The following DENND1B variants were observed in gnomAD, a reference collection of about 807,000 sequenced individuals.
The protein encoded by DENND1B is DENN domain-containing protein 1B.
DENND1B carries 59 observed loss-of-function variants against 90.1 expected under a neutral mutation model. The observed-to-expected ratio is 0.65, with a 90% confidence interval of 0.53 to 0.81. DENND1B has a LOEUF of 0.81. Among genes scored for constraint, DENND1B ranks in the 40% least tolerant of loss-of-function variants. DENND1B has a pLI of 0.00. For missense variants in DENND1B, 862 were observed against 912.6 expected, an observed-to-expected ratio of 0.94 and a Z score of 0.71; for synonymous variants, 337 against 324.6, an observed-to-expected ratio of 1.04 and a Z score of -0.41.
At chr1:197,650,069 A>AT (rs1558355214) in intron 7 of DENND1B, among the ~76,000 whole-genome samples, 1 of 152,184 alleles carries the variant, frequency 6.6e-6, no homozygotes, top group African/African-American at 2.4e-5. Flanking sequence ...TCTCAAAAGA[A>AT]TATATTCAAA....
chr1:197,664,392 T>C (rs1654731567), intron 5 of DENND1B, among the ~76,000 whole-genome samples: 1 of 152,074 alleles, frequency 6.6e-6, no homozygotes, highest in African/African-American at 2.4e-5. Context: ...ATGTAAAACA[T>C]TATGAGCAAT....
Position 197,553,022 on chromosome 1 carries a change from C to T in DENND1B, c.1240G>A (p.Gly414Arg), listed in dbSNP as rs1362573315. Residue 414 changes from glycine (G) to arginine (R), a missense_variant and splice_region_variant, in exon 16 of 23, where the codon GGG becomes AGG. By Grantham distance (125) the Gly-to-Arg change is moderately radical. Coordinates refer to ENST00000620048, the MANE Select transcript of DENND1B (RefSeq NM_001195215.2). ...TAATCATATTGTAACTTGTCTTTACCTCCACAAAAGCCACCTGAAGTGATC... is the reference window on the plus strand; with the variant it reads ...TAATCATATTGTAACTTGTCTTTACTTCCACAAAAGCCACCTGAAGTGATC... ...EEITSGGFCG[G>R]NPRSYQQWVH... 6.4e-7 allele frequency: 1 copy of T among 1,571,544 alleles called. No individual in the cohort carries two copies. Among genetic ancestry groups the T allele is most frequent in the Non-Finnish European group, 8.6e-7 (1 of 1,165,864 alleles).
At position 197,553,071 on chromosome 1, in the gene DENND1B, A is replaced by G. The variant is rs1571851588; in HGVS notation, c.1191T>C (p.Gly397=). ...GRLAKLNAGR[G]FSDVFEEEIT... ...TCTCTTCTTCAAATACATCAGAGAA[A>G]CCCCTTCCTGCATTTAGTTTTGCCA... The change falls in exon 16 of 23, where the codon GGT becomes GGC. Residue 397 remains glycine (G), a synonymous_variant. Transcript: ENST00000620048. 1 of 1,554,628 alleles carries G rather than the reference A, an allele frequency of 6.4e-7. No individual in the cohort carries two copies. Among genetic ancestry groups the G allele is most frequent in the Admixed American group, 2.1e-5 (1 of 46,666 alleles).
intron 10 of DENND1B, among the ~76,000 whole-genome samples, chr1:197,633,633 T>G (rs1423418831): frequency 6.6e-6 from 1 of 152,126 alleles, no homozygotes; most frequent in East Asian, 1.9e-4. Flanking sequence ...GTTTCTGCAG[T>G]GCCTGGCTCC....
At chr1:197,586,329 A>T (rs1674692495) in intron 14 of DENND1B, among the ~76,000 whole-genome samples, 1 of 152,228 alleles carries the variant, frequency 6.6e-6, no homozygotes, top group Non-Finnish European at 1.5e-5. Flanking sequence ...GCAATTTTTC[A>T]CAAAAATGTT....
intron 13 of DENND1B, among the ~76,000 whole-genome samples, chr1:197,596,193 T>G (rs1004283259): frequency 3.3e-5 from 5 of 152,100 alleles, no homozygotes; most frequent in Non-Finnish European, 5.9e-5. Context: ...TTAAGTTTGT[T>G]TTAATTTTTC....
intron 3 of DENND1B, among the ~76,000 whole-genome samples, chr1:197,680,282 A>G (rs1444612261): frequency 6.6e-6 from 1 of 152,176 alleles, no homozygotes; most frequent in African/African-American, 2.4e-5. Context: ...CAGACTAAAT[A>G]TATCTCCGCT....
chr1:197,512,824 G>C (rs755344842), intron 21 of DENND1B, 47 bp downstream of exon 21: 1 of 1,557,786 alleles, frequency 6.4e-7, no homozygotes, highest in African/African-American at 1.4e-5. Flanking sequence ...AAAAACTTCT[G>C]CTGTTAAGCC....
At chr1:197,656,979 A>G (rs1653897909) in intron 6 of DENND1B, among the ~76,000 whole-genome samples, 2 of 152,156 alleles carry the variant, frequency 1.3e-5, no homozygotes, top group Non-Finnish European at 2.9e-5. Context: ...AAACATATGA[A>G]GAAAGCTTTG....
chr1:197,741,556 AAAGT>A (rs1663214351), intron 2 of DENND1B, among the ~76,000 whole-genome samples: 1 of 152,218 alleles, frequency 6.6e-6, no homozygotes, highest in Non-Finnish European at 1.5e-5. Context: ...TTGACAATTT[AAAGT>A]AATTATAAAG....
intron 9 of DENND1B, among the ~76,000 whole-genome samples, chr1:197,644,589 A>G (rs1412288957): frequency 6.6e-6 from 1 of 151,926 alleles, no homozygotes; most frequent in Non-Finnish European, 1.5e-5. Flanking sequence ...CCTGGCCTAC[A>G]GTGTACAGCA....
rs139632166 is a variant in DENND1B, at chr1:197,585,835, G to A, written c.1048-2582C>T. 5.1e-4 allele frequency among the ~76,000 whole-genome samples: 77 copies of A among 152,196 alleles called. No individual in the cohort carries two copies. The East Asian group carries it at 0.01, about 21-fold the overall frequency. Reference sequence around the variant, plus strand: ...AAGCCTCAATTACTGTCATCCTTAAGGCATATGTTATGAAAGAGATATTAA... The same window carrying A: ...AAGCCTCAATTACTGTCATCCTTAAAGCATATGTTATGAAAGAGATATTAA... On this transcript the variant is annotated intron_variant, in intron 14 of 22. Coordinates refer to ENST00000620048, the MANE Select transcript of DENND1B (RefSeq NM_001195215.2).
chr1:197,772,844 TAACAG>T lies in DENND1B; in HGVS notation c.82+19_82+23del, dbSNP rs1245008780. 6.5e-7 allele frequency: 1 copy of T among 1,538,426 alleles called. No individual in the cohort carries two copies. Among genetic ancestry groups the T allele is most frequent in the East Asian group, 2.4e-5 (1 of 40,982 alleles). ...CCCAAAAAAAAGAGACCTTGTCAAA[TAACAG>T]AACACAGAAGACACATACCTTCATT... On this transcript the variant is annotated intron_variant, in intron 2 of 22. Transcript: ENST00000620048.
intron 2 of DENND1B, among the ~76,000 whole-genome samples, chr1:197,720,378 T>C (rs1027789883): frequency 2.0e-5 from 3 of 151,944 alleles, no homozygotes; most frequent in South Asian, 2.1e-4. Context: ...GCTGGGACTA[T>C]AGGCATGCAC....
chr1:197,683,938 G>A (rs1656959105), intron 3 of DENND1B, among the ~76,000 whole-genome samples: 1 of 152,178 alleles, frequency 6.6e-6, no homozygotes, highest in Non-Finnish European at 1.5e-5. Context: ...GTTGGAACAA[G>A]TATGTCTCCA....
chr1:197,625,523 A>G (rs1678607079), intron 10 of DENND1B, among the ~76,000 whole-genome samples: 1 of 152,146 alleles, frequency 6.6e-6, no homozygotes, highest in Admixed American at 6.6e-5. Flanking sequence ...AGCACTAAAC[A>G]TGGAAAGGAA....
intron 20 of DENND1B, among the ~76,000 whole-genome samples, chr1:197,538,410 G>C (rs6428409): frequency 0.95 from 145,121 of 152,212 alleles, 69,548 homozygotes; most frequent in South Asian, 1. Flanking sequence ...CTGACTTCGG[G>C]AATAATTATT....
chr1:197,672,226 G>C, intron 4 of DENND1B, 70 bp from the exon 5 acceptor site: 2 of 1,513,876 alleles, frequency 1.3e-6, no homozygotes, highest in Non-Finnish European at 1.8e-6. Flanking sequence ...ACAAAAATAA[G>C]AGTATATTTA....
intron 7 of DENND1B, among the ~76,000 whole-genome samples, chr1:197,650,522 A>T (rs1476104013): frequency 6.6e-6 from 1 of 152,200 alleles, no homozygotes; most frequent in Non-Finnish European, 1.5e-5. Context: ...CTGGGTATCT[A>T]TCAAGAGGAA....
Sources: allele counts gnomAD v4.1 joint callset (sites outside exome capture counted in the v4.1 genomes callset), GRCh38; gene constraint gnomAD v4.1.1; transcripts MANE v1.5; gene names NCBI Gene and HGNC (gene_info 2026-07-23, HGNC 2026-07-21).